Variants in SUCLG1 observed in about 807,000 individuals in gnomAD.
SUCLG1 encodes the protein succinate-CoA ligase GDP/ADP-forming subunit alpha.
SUCLG1 carries 26 observed loss-of-function variants against 37.3 expected under a neutral mutation model. The ratio of observed to expected loss-of-function variants is 0.70; its 90% confidence interval spans 0.51 to 0.97. The LOEUF is 0.97. SUCLG1 is among the 50% of genes least tolerant of loss of function. SUCLG1 has a pLI of 0.00. For missense variants in SUCLG1, 433 were observed against 432.9 expected (o/e 1.00, Z 0.00); for synonymous variants, 163 against 155.6 (o/e 1.05, Z -0.36).
intron 1 of SUCLG1, among the ~76,000 whole-genome samples, chr2:84,454,851 T>C (rs1454152466): frequency 1.3e-5 from 2 of 152,192 alleles, no homozygotes; most frequent in Admixed American, 6.5e-5. Flanking sequence ...ACTCAAACCA[T>C]GGGCCTTGTA....
chr2:84,429,539 C>G (rs1672584193), intron 7 of SUCLG1, among the ~76,000 whole-genome samples: 1 of 152,090 alleles, frequency 6.6e-6, no homozygotes, highest in Non-Finnish European at 1.5e-5. Flanking sequence ...CAGTTCCCTG[C>G]AGTCCATAAC....
At position 84,423,654 on chromosome 2, in the gene SUCLG1, G is replaced by A. The variant is rs949395879; in HGVS notation, c.*92C>T. The A allele has an allele frequency of 1.6e-6, 2 of 1,286,140 alleles. No homozygotes were observed. Among genetic ancestry groups the A allele is most frequent in the East Asian group, 2.4e-5 (1 of 41,178 alleles). The allele number at this position is 1,286,140 out of a possible 1,614,324, so 79.7% of individuals were successfully genotyped here. A position where few individuals can be genotyped will look rare whatever the true frequency, so the allele number is the denominator to read the frequency against. On this transcript the variant is annotated 3_prime_UTR_variant, in exon 9 of 9. Transcript: ENST00000393868. ...CTGCAAGACCAGTGTCAGGCACATA[G>A]GCTGATTAATCAGTGGACAACAGAA...
intron 2 of SUCLG1, among the ~76,000 whole-genome samples, 167 bp downstream of exon 2, chr2:84,449,482 T>C (rs542615757): frequency 1.3e-5 from 2 of 152,292 alleles, no homozygotes; most frequent in African/African-American, 4.8e-5. Context: ...TTTTATGTTA[T>C]AGGCTGACAA....
chr2:84,441,489 A>G (rs1409380239), intron 3 of SUCLG1, 30 bp from the exon 4 acceptor site: 3 of 1,602,012 alleles, frequency 1.9e-6, no homozygotes, highest in South Asian at 1.1e-5. Flanking sequence ...GCACCTTATT[A>G]TTTGTTAAAT....
At chr2:84,436,683 C>T (rs1221879555) in intron 5 of SUCLG1, among the ~76,000 whole-genome samples, 2 of 152,192 alleles carry the variant, frequency 1.3e-5, no homozygotes, top group African/African-American at 4.8e-5. Flanking sequence ...GATCAACCAG[C>T]CTGAAATTTG....
intron 5 of SUCLG1, among the ~76,000 whole-genome samples, chr2:84,434,457 C>T (rs1030487842): frequency 9.9e-5 from 15 of 151,996 alleles, no homozygotes; most frequent in East Asian, 1.9e-4. Flanking sequence ...AGGTGTGCGC[C>T]GAGGGAGGAG....
At chr2:84,435,602 T>C (rs187322905) in intron 5 of SUCLG1, among the ~76,000 whole-genome samples, 168 of 152,314 alleles carry the variant, frequency 1.1e-3, no homozygotes, top group Non-Finnish European at 1.9e-3. Context: ...TTCATTATAA[T>C]AGTAAAAACC....
intron 7 of SUCLG1, among the ~76,000 whole-genome samples, chr2:84,427,151 G>A (rs541328304): frequency 6.6e-6 from 1 of 152,294 alleles, no homozygotes; most frequent in South Asian, 2.1e-4. Context: ...TCAATCTGTT[G>A]TAGTGTGTTA....
chr2:84,433,324 T>C, intron 6 of SUCLG1, 28 bp downstream of exon 6: 2 of 1,602,844 alleles, frequency 1.2e-6, no homozygotes, highest in South Asian at 1.1e-5. Context: ...CACACTCCAA[T>C]AAAATGATTT....
chr2:84,433,262 T>C, intron 6 of SUCLG1, 90 bp downstream of exon 6: 2 of 1,123,256 alleles, frequency 1.8e-6, no homozygotes, highest in South Asian at 2.7e-5. Flanking sequence ...ATCAAAATCT[T>C]TTGCAAATAA....
At chr2:84,449,421 C>T (rs540460718) in intron 2 of SUCLG1, among the ~76,000 whole-genome samples, 1 of 152,120 alleles carries the variant, frequency 6.6e-6, no homozygotes, top group Non-Finnish European at 1.5e-5. Flanking sequence ...AAACAATATA[C>T]TCCTAGTAAG....
intron 1 of SUCLG1, among the ~76,000 whole-genome samples, chr2:84,455,628 G>A (rs1673007765): frequency 6.6e-6 from 1 of 151,968 alleles, no homozygotes; most frequent in South Asian, 2.1e-4. Flanking sequence ...AATGTCAGGA[G>A]ATCGAGACCA....
intron 2 of SUCLG1, among the ~76,000 whole-genome samples, chr2:84,448,191 C>A (rs13010390): frequency 0.024 from 3,418 of 139,664 alleles, 74 homozygotes; most frequent in Middle Eastern, 0.085. Flanking sequence ...AAACAAAAAA[C>A]AAAAAACAAA....
chr2:84,435,474 C>T lies in SUCLG1; in HGVS notation c.590-2039G>A, dbSNP rs560943768. Among the ~76,000 whole-genome samples, 35 of 152,264 alleles carry T rather than the reference C, an allele frequency of 2.3e-4. No homozygotes were observed. In the East Asian group the frequency reaches 6.2e-3, roughly 27 times the overall value. On this transcript the variant is annotated intron_variant, in intron 5 of 8. Transcript: ENST00000393868. The stretch of plus-strand genomic sequence containing the variant: ...TTAGCCCTAATGTTACCATAAGACA[C>T]GTAAGAATGTTAGGCAGATGGCCAG...
intron 2 of SUCLG1, among the ~76,000 whole-genome samples, chr2:84,444,476 T>G (rs901063274): frequency 1.2e-4 from 18 of 152,208 alleles, no homozygotes; most frequent in East Asian, 5.8e-4. Flanking sequence ...ATCATGTGCT[T>G]CACAAGGTAA....
At chr2:84,435,248 T>A (rs749428632) in intron 5 of SUCLG1, among the ~76,000 whole-genome samples, 18 of 152,232 alleles carry the variant, frequency 1.2e-4, no homozygotes, top group Non-Finnish European at 2.1e-4. Context: ...AAGGTCCACA[T>A]TAAATGCTAC....
At position 84,452,835 on chromosome 2, in the gene SUCLG1, T is replaced by C. The variant is rs182972379; in HGVS notation, c.98-3083A>G. ...GGTCTATGGGAAACATTTCACTGAATTCCAGGACAAGAAACAGGGTCTCCA... is the reference window on the plus strand; with the variant it reads ...GGTCTATGGGAAACATTTCACTGAACTCCAGGACAAGAAACAGGGTCTCCA... On this transcript the variant is annotated intron_variant, in intron 1 of 8. Transcript: ENST00000393868. 3.9e-5 allele frequency among the ~76,000 whole-genome samples: 6 copies of C among 152,270 alleles called. No homozygotes were observed. In the East Asian group the frequency reaches 1.2e-3, roughly 29 times the overall value.
chr2:84,459,212 C>G lies in SUCLG1; in HGVS notation c.58G>C (p.Gly20Arg), dbSNP rs1673108350. 6 of 1,550,160 alleles carry G rather than the reference C, an allele frequency of 3.9e-6. No homozygotes were observed. The East Asian group carries it at 1.5e-4, about 38-fold the overall frequency. ...DIATMVSGSSGLAAARLLSRS... is the reference protein window; with the variant it reads ...DIATMVSGSSRLAAARLLSRS... Reference sequence around the variant, plus strand: ...GACAGGAGACGGGCGGCGGCGAGGCCGCTGCTGCCGGAGACCATGGTAGCG... The same window carrying G: ...GACAGGAGACGGGCGGCGGCGAGGCGGCTGCTGCCGGAGACCATGGTAGCG... The change falls in exon 1 of 9, where the codon GGC becomes CGC. Residue 20 changes from glycine to arginine, a missense_variant. Physicochemically the swap from Gly to Arg is moderately radical, Grantham distance 125. Coordinates refer to ENST00000393868, the MANE Select transcript of SUCLG1 (RefSeq NM_003849.4).
chr2:84,431,697 A>C (rs1672616700), intron 6 of SUCLG1, 38 bp from the exon 7 acceptor site: 10 of 1,610,842 alleles, frequency 6.2e-6, no homozygotes, highest in Middle Eastern at 3.5e-4. Context: ...TGGAAATTTA[A>C]GGGTGAACCA....
Sources: gnomAD v4.1 joint callset for allele counts (sites outside exome capture counted in the v4.1 genomes callset) on GRCh38, gnomAD v4.1.1 for gene constraint, MANE v1.5 for transcripts, NCBI Gene and HGNC (gene_info 2026-07-23, HGNC 2026-07-21) for gene names.